AUTS2: variants seen among roughly 807,000 people sequenced by gnomAD.
AUTS2 encodes activator of transcription and developmental regulator AUTS2.
Under a neutral mutation model 112.4 loss-of-function variants are expected in AUTS2, and 17 were observed. The observed-to-expected ratio is 0.15, with a 90% CI of 0.10 to 0.23. The LOEUF (loss-of-function observed/expected upper bound fraction) is 0.23. Ranked by LOEUF, AUTS2 falls within the 10% of genes least tolerant of loss-of-function variation. The pLI is 1.00. For synonymous variants in AUTS2, 751 were observed against 702.7 expected, an observed-to-expected ratio of 1.07 and a Z score of -1.09; for missense variants, 1,510 against 1,701.6, an observed-to-expected ratio of 0.89 and a Z score of 1.98.
At chr7:69,993,798 C>T (rs1798836484) in intron 2 of AUTS2, among the ~76,000 whole-genome samples, 1 of 152,064 alleles carries the variant, frequency 6.6e-6, no homozygotes, top group Non-Finnish European at 1.5e-5. Flanking sequence ...TATATATAAT[C>T]CCAGTATGTT....
chr7:70,748,263 T>C (rs978243157), intron 6 of AUTS2, among the ~76,000 whole-genome samples: 1 of 152,192 alleles, frequency 6.6e-6, no homozygotes, highest in East Asian at 1.9e-4. Context: ...AATGAAGTAA[T>C]GGCAAGCGAT....
At chr7:70,679,861 G>C (rs1808116084) in intron 5 of AUTS2, among the ~76,000 whole-genome samples, 1 of 152,164 alleles carries the variant, frequency 6.6e-6, no homozygotes, top group Non-Finnish European at 1.5e-5. Context: ...TCCTTCCCTT[G>C]TGGATTTCAG....
chr7:70,204,790 A>G (rs573380687), intron 4 of AUTS2, among the ~76,000 whole-genome samples: 25 of 152,290 alleles, frequency 1.6e-4, no homozygotes, highest in African/African-American at 5.1e-4. Context: ...GAGATTAAGT[A>G]TTATCCTCAT....
intron 4 of AUTS2, among the ~76,000 whole-genome samples, chr7:70,235,893 C>T (rs1235514949): frequency 1.3e-5 from 2 of 152,096 alleles, no homozygotes; most frequent in African/African-American, 2.4e-5. Flanking sequence ...CTCCTGACCT[C>T]GTGGTCCGCC....
chr7:70,287,547 T>C (rs969379161), intron 4 of AUTS2, among the ~76,000 whole-genome samples: 5 of 152,204 alleles, frequency 3.3e-5, no homozygotes, highest in Non-Finnish European at 7.3e-5. Flanking sequence ...CCCAGTAGTT[T>C]AGAGCGTTGC....
At chr7:70,041,859 A>T (rs939491635) in intron 2 of AUTS2, among the ~76,000 whole-genome samples, 2 of 152,138 alleles carry the variant, frequency 1.3e-5, no homozygotes, top group Non-Finnish European at 2.9e-5. Context: ...CAGTTTTATT[A>T]TCTTTTTTTG....
At chr7:70,115,128 A>C (rs1185891495) in intron 2 of AUTS2, among the ~76,000 whole-genome samples, 2 of 152,136 alleles carry the variant, frequency 1.3e-5, no homozygotes, top group Non-Finnish European at 2.9e-5. Flanking sequence ...ATCAACATTT[A>C]GTCAGATAAT....
At chr7:70,575,043 C>T (rs796915085) in intron 5 of AUTS2, among the ~76,000 whole-genome samples, 10 of 152,304 alleles carry the variant, frequency 6.6e-5, no homozygotes, top group African/African-American at 1.9e-4. Flanking sequence ...GCTGGGTAAT[C>T]GTTCCGCTCG....
At chr7:69,764,506 C>T (rs1412654363) in intron 1 of AUTS2, among the ~76,000 whole-genome samples, 1 of 150,980 alleles carries the variant, frequency 6.6e-6, no homozygotes, top group Non-Finnish European at 1.5e-5. Flanking sequence ...TTCTTAGAGA[C>T]AACTGGGATA....
intron 2 of AUTS2, among the ~76,000 whole-genome samples, chr7:70,094,795 C>T (rs771394689): frequency 3.9e-5 from 6 of 151,916 alleles, no homozygotes; most frequent in African/African-American, 9.7e-5. Flanking sequence ...TTTTTTTCTC[C>T]GTGGAATGTT....
intron 4 of AUTS2, among the ~76,000 whole-genome samples, chr7:70,346,609 A>AC (rs144981341): frequency 1.2e-3 from 183 of 152,180 alleles, no homozygotes; most frequent in African/African-American, 4.1e-3. Flanking sequence ...TTCCTGAGCT[A>AC]CCCCCGGGAA....
intron 1 of AUTS2, among the ~76,000 whole-genome samples, chr7:69,782,227 G>A (rs981770191): frequency 3.9e-5 from 6 of 152,044 alleles, no homozygotes; most frequent in South Asian, 2.1e-4. Context: ...GCTGGGCGTG[G>A]TGGTGTGTGC....
At chr7:69,796,448 A>G (rs976554335) in intron 1 of AUTS2, among the ~76,000 whole-genome samples, 2 of 151,830 alleles carry the variant, frequency 1.3e-5, no homozygotes, top group Non-Finnish European at 2.9e-5. Context: ...ATTTGAGCTC[A>G]GGAGTTCGAG....
At chr7:70,010,692 GTAGGATCATAATAATA>G (rs1451528946) in intron 2 of AUTS2, among the ~76,000 whole-genome samples, 6 of 152,108 alleles carry the variant, frequency 3.9e-5, no homozygotes, top group African/African-American at 1.2e-4. Context: ...CCTGAATGAG[GTAGGATCATAATAATA>G]TGTTTGTTAT....
At chr7:70,490,333 A>T (rs948737290) in intron 5 of AUTS2, among the ~76,000 whole-genome samples, 3 of 152,050 alleles carry the variant, frequency 2.0e-5, no homozygotes, top group African/African-American at 7.2e-5. Context: ...AGAATGAAGA[A>T]GATGTTATCA....
At chr7:70,288,132 G>C (rs905302503) in intron 4 of AUTS2, among the ~76,000 whole-genome samples, 2 of 152,162 alleles carry the variant, frequency 1.3e-5, no homozygotes, top group African/African-American at 4.8e-5. Flanking sequence ...GCTCTACCAG[G>C]CCAGACGCGG....
Position 70,157,685 on chromosome 7 carries a change from A to G in AUTS2, c.660+23114A>G, listed in dbSNP as rs575396577. ...GACCCAGGCACTTCAGGATCTGAAG[A>G]TAGCTGGATGATGATGAGTCTTCTT... is the stretch of plus-strand genomic sequence containing the variant. On this transcript the variant is annotated intron_variant, in intron 4 of 18. Coordinates refer to ENST00000342771, the MANE Select transcript of AUTS2 (RefSeq NM_015570.4). Among the ~76,000 whole-genome samples the G allele has an allele frequency of 1.1e-4, 17 of 152,302 alleles. No homozygotes were observed. In the East Asian group the frequency reaches 3.1e-3, roughly 28 times the overall value.
intron 1 of AUTS2, among the ~76,000 whole-genome samples, chr7:69,614,005 C>T (rs187762580): frequency 2.0e-5 from 3 of 152,270 alleles, no homozygotes; most frequent in Admixed American, 6.5e-5. Context: ...GTTTATGCTA[C>T]AAAGAGTATG....
At chr7:69,716,769 C>T (rs889549113) in intron 1 of AUTS2, among the ~76,000 whole-genome samples, 3 of 152,116 alleles carry the variant, frequency 2.0e-5, no homozygotes, top group Non-Finnish European at 4.4e-5. Context: ...TCGGGGTTCT[C>T]ATGACCCCCT....
Sources: allele counts gnomAD v4.1 joint callset (sites outside exome capture counted in the v4.1 genomes callset), GRCh38; gene constraint gnomAD v4.1.1; transcripts MANE v1.5; gene names NCBI Gene and HGNC (gene_info 2026-07-23, HGNC 2026-07-21).